PTK2: variants seen among roughly 807,000 people sequenced by gnomAD.
The protein encoded by PTK2 is protein tyrosine kinase 2, also known as focal adhesion kinase 1.
In PTK2, 45 loss-of-function variants were observed where a neutral mutation model predicts 150.1. That is an observed-to-expected ratio of 0.30 (90% CI 0.24 to 0.38). The LOEUF (loss-of-function observed/expected upper bound fraction) is 0.38. Ranked by LOEUF, PTK2 falls within the 10% of genes least tolerant of loss-of-function variation. The pLI is 1.00. For synonymous variants in PTK2, 432 were observed against 449.2 expected, an observed-to-expected ratio of 0.96 and a Z score of 0.48; for missense variants, 919 against 1,307.3, an observed-to-expected ratio of 0.70 and a Z score of 4.58.
At chr8:140,799,417 T>C (rs1202888611) in intron 12 of PTK2, 1 of 152,426 alleles carries the variant, frequency 6.6e-6, no homozygotes, top group Non-Finnish European at 1.5e-5. Flanking sequence ...TCCTCTATAA[T>C]CATCCTAGTC....
intron 1 of PTK2, among the ~76,000 whole-genome samples, chr8:140,945,500 C>A (rs2100177384): frequency 6.6e-6 from 1 of 152,008 alleles, no homozygotes; most frequent in African/African-American, 2.4e-5. Context: ...GCAGGAGGAT[C>A]ATTTGAACCC....
chr8:140,759,282 A>T (rs2100067811), intron 16 of PTK2, among the ~76,000 whole-genome samples: 1 of 152,182 alleles, frequency 6.6e-6, no homozygotes, highest in African/African-American at 2.4e-5. Context: ...GTAATATAAA[A>T]TGGTACAGCT....
At chr8:140,955,094 A>G (rs1298897341) in intron 1 of PTK2, among the ~76,000 whole-genome samples, 1 of 152,270 alleles carries the variant, frequency 6.6e-6, no homozygotes, top group Non-Finnish European at 1.5e-5. Flanking sequence ...TTAGCTAACA[A>G]ATTCAGAGGA....
chr8:140,965,497 C>T (rs573978764), intron 1 of PTK2, among the ~76,000 whole-genome samples: 29 of 152,274 alleles, frequency 1.9e-4, no homozygotes, highest in African/African-American at 7.0e-4. Context: ...CATGACCCTA[C>T]CCCAAAGGAA....
chr8:141,001,058 G>GA (rs2100200061), intron 1 of PTK2, 67 bp downstream of exon 1: 1 of 151,360 alleles, frequency 6.6e-6, no homozygotes, highest in Non-Finnish European at 1.5e-5. Flanking sequence ...CCCAGCCCAC[G>GA]ACCGCTGCAC....
chr8:140,670,155 T>G (rs2094723312), intron 29 of PTK2: 1 of 161,598 alleles, frequency 6.2e-6, no homozygotes, highest in Non-Finnish European at 1.3e-5. Context: ...CAGCCTCAAT[T>G]CCTGAGCCCG....
chr8:140,793,403 G>A lies in PTK2; in HGVS notation c.1094-19C>T, dbSNP rs2100089748. ...TCACCTTCTGCGGGGAAAAAGAAAA[G>A]AGATGCATAAGGCTCTTTTCACTCC... is the stretch of plus-strand genomic sequence containing the variant. On this transcript the variant is annotated intron_variant, in intron 12 of 31. Coordinates refer to ENST00000522684, the Ensembl canonical transcript of PTK2. The A allele has an allele frequency of 5.6e-6, 9 of 1,609,358 alleles. No individual in the cohort carries two copies. The highest frequency in any genetic ancestry group is 7.6e-6 in the Non-Finnish European group (9 of 1,178,558).
At chr8:140,802,917 G>C (rs1423791723) in intron 11 of PTK2, among the ~76,000 whole-genome samples, 2 of 150,928 alleles carry the variant, frequency 1.3e-5, no homozygotes, top group Non-Finnish European at 2.9e-5. Flanking sequence ...AGGGAATTAG[G>C]CATTTCTCTG....
At chr8:140,679,003 G>GTTTTTTTTTTTTTTTTTT (rs533089786) in intron 27 of PTK2, among the ~76,000 whole-genome samples, 4 of 68,988 alleles carry the variant, frequency 5.8e-5, no homozygotes, top group African/African-American at 1.9e-4. Flanking sequence ...TGCTCCCCAT[G>GTTTTTTTTTTTTTTTTTT]TTTTTTTTTT....
At chr8:140,667,050 G>T (rs2092528006) in intron 30 of PTK2, among the ~76,000 whole-genome samples, 1 of 152,164 alleles carries the variant, frequency 6.6e-6, no homozygotes. Flanking sequence ...CCACTTATAA[G>T]CGGTACCTAG....
chr8:140,670,599 G>A (rs186342377), intron 29 of PTK2, among the ~76,000 whole-genome samples: 40 of 149,164 alleles, frequency 2.7e-4, no homozygotes, highest in Middle Eastern at 3.5e-3. Flanking sequence ...TTTTTGAGCT[G>A]ATTCTTATGA....
intron 4 of PTK2, 78 bp downstream of exon 4, chr8:140,879,393 C>T: frequency 1.4e-6 from 2 of 1,392,040 alleles, no homozygotes; most frequent in African/African-American, 1.5e-5. Flanking sequence ...TAAACATATA[C>T]ATTTGTTATC....
intron 8 of PTK2, among the ~76,000 whole-genome samples, chr8:140,827,383 C>T (rs1046756430): frequency 6.6e-6 from 1 of 152,066 alleles, no homozygotes; most frequent in Non-Finnish European, 1.5e-5. Context: ...CCCTCTCTGG[C>T]CACCAGGAGT....
chr8:140,823,339 G>A (rs1352604650), intron 8 of PTK2, among the ~76,000 whole-genome samples: 2 of 152,096 alleles, frequency 1.3e-5, no homozygotes, highest in Non-Finnish European at 2.9e-5. Context: ...CCAGCTGCTG[G>A]TTTATATATA....
chr8:140,830,895 A>C (rs2100114967), intron 7 of PTK2, among the ~76,000 whole-genome samples: 1 of 152,256 alleles, frequency 6.6e-6, no homozygotes, highest in Admixed American at 6.5e-5. Context: ...CAACTGGGTA[A>C]TACTGTATTT....
chr8:140,739,003 T>C lies in PTK2; in HGVS notation c.1825+15A>G. Reference sequence around the variant, plus strand: ...TATAATTTTTAAAGAATACAAAACTTTTAAGAGTACTCACCAAACATCCAT... The same window carrying C: ...TATAATTTTTAAAGAATACAAAACTCTTAAGAGTACTCACCAAACATCCAT... On this transcript the variant is annotated intron_variant, in intron 21 of 31. Transcript: ENST00000522684. The C allele has an allele frequency of 6.7e-7, 1 of 1,485,336 alleles. No individual in the cohort carries two copies. 92.0% of individuals were successfully genotyped at this position (1,485,336 alleles called of 1,614,324 possible).
In PTK2 at chr8:140,891,653, T is replaced by C. The variant is rs184965520; in HGVS notation, c.-32-884A>G. On this transcript the variant is annotated intron_variant, in intron 2 of 31. Coordinates refer to ENST00000522684, the Ensembl canonical transcript of PTK2. The stretch of plus-strand genomic sequence containing the variant: ...CAGCAGAGCTTTCGGCAGCAAGGGA[T>C]CAAATCTTGGATTCTGGTGAGAAGG... Among the ~76,000 whole-genome samples, 109 of 152,254 alleles carry C rather than the reference T, an allele frequency of 7.2e-4. 1 individual carries two copies. The highest frequency in any genetic ancestry group is 1.1e-3 in the Non-Finnish European group (77 of 68,014).
intron 1 of PTK2, among the ~76,000 whole-genome samples, chr8:140,977,244 G>C (rs2100189595): frequency 6.6e-6 from 1 of 152,046 alleles, no homozygotes; most frequent in Non-Finnish European, 1.5e-5. Flanking sequence ...TTAAAAATTA[G>C]CCAGGTGTGG....
chr8:140,805,068 T>C (rs1480708229), intron 10 of PTK2, among the ~76,000 whole-genome samples: 1 of 152,164 alleles, frequency 6.6e-6, no homozygotes, highest in Non-Finnish European at 1.5e-5. Flanking sequence ...AGTTCTGCCA[T>C]GGCAAAACAA....
Sources: allele counts gnomAD v4.1 joint callset (sites outside exome capture counted in the v4.1 genomes callset), GRCh38; gene constraint gnomAD v4.1.1; transcripts MANE v1.5; gene names NCBI Gene and HGNC (gene_info 2026-07-23, HGNC 2026-07-21).